The following NPAS3 variants were observed in gnomAD, a reference collection of about 807,000 sequenced individuals.
NPAS3 encodes neuronal PAS domain protein 3.
A neutral mutation model predicts 73.1 loss-of-function variants in NPAS3; 14 were observed. The observed-to-expected ratio is 0.19, with a 90% CI of 0.13 to 0.30. The LOEUF (loss-of-function observed/expected upper bound fraction) is 0.30, where lower values mean the gene tolerates loss of function less well. Ranked by LOEUF, NPAS3 falls within the 10% of genes least tolerant of loss-of-function variation. The probability of loss-of-function intolerance (pLI) is 1.00; values close to 1 mark genes in which losing one functional copy is unlikely to be tolerated. For synonymous variants in NPAS3, 620 were observed against 541.5 expected (o/e 1.14, Z -2.01); for missense variants, 1,096 against 1,250.0 (o/e 0.88, Z 1.86).
At chr14:33,494,599 A>C (rs1178904923) in intron 4 of NPAS3, among the ~76,000 whole-genome samples, 1 of 152,138 alleles carries the variant, frequency 6.6e-6, no homozygotes, top group Admixed American at 6.6e-5. Context: ...AGACTCTGAG[A>C]GAGACTTGTT....
intron 4 of NPAS3, among the ~76,000 whole-genome samples, chr14:33,557,138 T>C (rs1197485039): frequency 6.6e-6 from 1 of 151,988 alleles, no homozygotes; most frequent in Non-Finnish European, 1.5e-5. Flanking sequence ...AGGAAGGAAA[T>C]ATCTCTCCCC....
At chr14:33,139,478 G>A (rs1474570853) in intron 2 of NPAS3, among the ~76,000 whole-genome samples, 1 of 152,180 alleles carries the variant, frequency 6.6e-6, no homozygotes, top group East Asian at 1.9e-4. Flanking sequence ...TCATTGGAGT[G>A]TATTGGTGGT....
chr14:33,728,668 G>A (rs569156483), intron 6 of NPAS3, among the ~76,000 whole-genome samples: 13 of 152,268 alleles, frequency 8.5e-5, no homozygotes, highest in South Asian at 4.1e-4. Context: ...GCCGTTACCC[G>A]CTTCAGAATT....
At chr14:33,208,956 G>T (rs1331854630) in intron 2 of NPAS3, among the ~76,000 whole-genome samples, 2 of 152,148 alleles carry the variant, frequency 1.3e-5, no homozygotes, top group African/African-American at 4.8e-5. Flanking sequence ...ATATTTAGTT[G>T]TGAAATTGGC....
At chr14:33,449,283 A>G (rs922828479) in intron 4 of NPAS3, among the ~76,000 whole-genome samples, 2 of 152,176 alleles carry the variant, frequency 1.3e-5, no homozygotes, top group Non-Finnish European at 2.9e-5. Context: ...AATAACCTCT[A>G]TCTTAGTACA....
chr14:33,287,419 G>A (rs1185463025), intron 3 of NPAS3, among the ~76,000 whole-genome samples: 1 of 152,024 alleles, frequency 6.6e-6, no homozygotes, highest in Admixed American at 6.5e-5. Context: ...GGGAAGGTGG[G>A]GGTGTGAGCA....
chr14:33,281,582 A>G (rs565115532), intron 3 of NPAS3, among the ~76,000 whole-genome samples: 71 of 152,324 alleles, frequency 4.7e-4, no homozygotes, highest in African/African-American at 1.6e-3. Context: ...CAGTGAGCCA[A>G]GATCGCGTCA....
At chr14:33,569,671 G>A (rs1366204964) in intron 5 of NPAS3, among the ~76,000 whole-genome samples, 1 of 152,040 alleles carries the variant, frequency 6.6e-6, no homozygotes, top group Non-Finnish European at 1.5e-5. Context: ...TAAGGAACAT[G>A]CAGATAGAGG....
At chr14:33,287,236 C>G (rs1004335082) in intron 3 of NPAS3, among the ~76,000 whole-genome samples, 4 of 152,154 alleles carry the variant, frequency 2.6e-5, no homozygotes, top group African/African-American at 9.7e-5. Flanking sequence ...CATCTTGCTG[C>G]AAGCTCATTT....
chr14:33,268,664 T>C (rs561634385), intron 3 of NPAS3, among the ~76,000 whole-genome samples: 18 of 152,164 alleles, frequency 1.2e-4, no homozygotes, highest in Non-Finnish European at 2.4e-4. Context: ...GTGAGAAAGA[T>C]GCCCAAATAT....
chr14:32,959,734 T>C (rs991774566), intron 1 of NPAS3, among the ~76,000 whole-genome samples: 1 of 152,182 alleles, frequency 6.6e-6, no homozygotes, highest in African/African-American at 2.4e-5. Flanking sequence ...ACAGCATCAC[T>C]ACTTTGTGTC....
At chr14:33,055,799 G>GGTGGTCTC in intron 1 of NPAS3, 106 bp from the exon 2 acceptor site, 4 of 662,224 alleles carry the variant, frequency 6.0e-6, no homozygotes, top group Non-Finnish European at 1.1e-5. Context: ...GAGCTCAAAA[G>GGTGGTCTC]CGTAAAAAGC....
chr14:33,173,505 T>TA (rs911581043), intron 2 of NPAS3, among the ~76,000 whole-genome samples: 56 of 152,078 alleles, frequency 3.7e-4, no homozygotes, highest in Admixed American at 2.0e-3. Context: ...GTTTATTTTT[T>TA]AAAAAAAACT....
At chr14:33,649,252 T>A (rs2058921098) in intron 5 of NPAS3, among the ~76,000 whole-genome samples, 1 of 152,240 alleles carries the variant, frequency 6.6e-6, no homozygotes, top group Non-Finnish European at 1.5e-5. Flanking sequence ...CACATGGGGC[T>A]GTTTAACTGA....
At chr14:33,527,044 A>C (rs1365754780) in intron 4 of NPAS3, among the ~76,000 whole-genome samples, 1 of 152,158 alleles carries the variant, frequency 6.6e-6, no homozygotes, top group Non-Finnish European at 1.5e-5. Flanking sequence ...TTCCTTGAAT[A>C]CCAGTATTCA....
intron 2 of NPAS3, among the ~76,000 whole-genome samples, chr14:33,139,998 C>G (rs10148638): frequency 0.44 from 66,658 of 151,646 alleles, 15,615 homozygotes; most frequent in African/African-American, 0.6. Context: ...ATTTTTTACG[C>G]TACTTTGCAT....
chr14:33,506,612 T>C (rs539603066), intron 4 of NPAS3, among the ~76,000 whole-genome samples: 2 of 152,200 alleles, frequency 1.3e-5, no homozygotes, highest in African/African-American at 4.8e-5. Flanking sequence ...AAATTTTGTA[T>C]TGATATGATT....
chr14:33,690,121 A>G (rs1450463748), intron 6 of NPAS3, among the ~76,000 whole-genome samples: 4 of 152,222 alleles, frequency 2.6e-5, no homozygotes, highest in African/African-American at 9.6e-5. Context: ...AGAATTGGAC[A>G]TTGGGTCTCC....
intron 1 of NPAS3, among the ~76,000 whole-genome samples, chr14:32,973,342 T>C (rs868751239): frequency 6.6e-6 from 1 of 152,136 alleles, no homozygotes; most frequent in Non-Finnish European, 1.5e-5. Context: ...GAATACATGG[T>C]CCATTATTCT....
Sources: allele counts gnomAD v4.1 joint callset (sites outside exome capture counted in the v4.1 genomes callset), GRCh38; gene constraint gnomAD v4.1.1; transcripts MANE v1.5; gene names NCBI Gene and HGNC (gene_info 2026-07-23, HGNC 2026-07-21).